THSD4: variants seen among roughly 807,000 people sequenced by gnomAD.
The protein encoded by THSD4 is thrombospondin type 1 domain containing 4.
Under a neutral mutation model 119.0 loss-of-function variants are expected in THSD4, and 69 were observed. The observed-to-expected ratio is 0.58, with a 90% confidence interval of 0.48 to 0.71. The LOEUF is 0.71. Ranked by LOEUF, THSD4 falls within the 30% of genes least tolerant of loss-of-function variation. The pLI is 0.00. For synonymous variants in THSD4, 524 were observed against 540.4 expected (o/e 0.97, Z 0.42); for missense variants, 1,393 against 1,391.1 (o/e 1.00, Z -0.02).
chr15:71,097,372 C>T (rs2040234846), intron 1 of THSD4, among the ~76,000 whole-genome samples: 1 of 151,952 alleles, frequency 6.6e-6, no homozygotes, highest in South Asian at 2.1e-4. Context: ...CGCAACCAGC[C>T]TGAGCAACAT....
chr15:71,272,816 A>T (rs2044547780), intron 6 of THSD4, among the ~76,000 whole-genome samples: 1 of 152,096 alleles, frequency 6.6e-6, no homozygotes, highest in Non-Finnish European at 1.5e-5. Flanking sequence ...GTGAGCCAAG[A>T]TCATGCCATT....
In THSD4 at chr15:71,306,307, C is replaced by CAAAAAA. The variant is rs67260180; in HGVS notation, c.1015+49618_1015+49623dup. Among the ~76,000 whole-genome samples, 134 of 62,938 alleles carry CAAAAAA rather than the reference C, an allele frequency of 2.1e-3. 2 individuals are homozygous for CAAAAAA. The highest frequency in any genetic ancestry group is 8.3e-3 in the African/African-American group (125 of 15,066). The allele number at this position is 62,938 out of a possible 152,430, so 41.3% of individuals were successfully genotyped here. A position where few individuals can be genotyped will look rare whatever the true frequency, so the allele number is the denominator to read the frequency against. ...GGTGATAAGAGCAAGACTCTTGCCT[C>CAAAAAA]AAAAAAAAAAAAAAAAAAAAAAAAA... On this transcript the variant is annotated intron_variant, in intron 6 of 17. Coordinates refer to ENST00000261862, the MANE Select transcript of THSD4 (RefSeq NM_024817.3).
At chr15:71,546,645 A>G (rs970353245) in intron 7 of THSD4, among the ~76,000 whole-genome samples, 3 of 152,192 alleles carry the variant, frequency 2.0e-5, no homozygotes, top group African/African-American at 7.2e-5. Context: ...TTGGTTAGGC[A>G]TAGTGACCCA....
chr15:71,130,647 T>C (rs926000185), intron 1 of THSD4, among the ~76,000 whole-genome samples: 1 of 152,254 alleles, frequency 6.6e-6, no homozygotes, highest in South Asian at 2.1e-4. Flanking sequence ...AAAATGGGGA[T>C]AGGAATAGCA....
At chr15:71,500,139 C>T (rs977480380) in intron 7 of THSD4, among the ~76,000 whole-genome samples, 10 of 152,116 alleles carry the variant, frequency 6.6e-5, no homozygotes, top group African/African-American at 1.7e-4. Context: ...TTCTCACCAA[C>T]GCTTGTTATT....
chr15:71,453,438 G>A (rs577074544), intron 7 of THSD4, among the ~76,000 whole-genome samples: 14 of 152,210 alleles, frequency 9.2e-5, no homozygotes, highest in Non-Finnish European at 1.5e-4. Flanking sequence ...ATGCCTCACT[G>A]TGAGGGCCAT....
intron 15 of THSD4, among the ~76,000 whole-genome samples, chr15:71,763,580 G>T (rs2053662718): frequency 7.2e-6 from 1 of 138,870 alleles, no homozygotes; most frequent in Non-Finnish European, 1.5e-5. Context: ...ACAGAGTCTT[G>T]CTCGTCACCC....
chr15:71,576,683 A>G (rs1015166141), intron 7 of THSD4, among the ~76,000 whole-genome samples: 1 of 152,208 alleles, frequency 6.6e-6, no homozygotes, highest in African/African-American at 2.4e-5. Context: ...CTCCTGCCTC[A>G]GTGTTAAGGA....
chr15:71,613,080 C>G (rs1042293479), intron 7 of THSD4, among the ~76,000 whole-genome samples: 5 of 152,158 alleles, frequency 3.3e-5, no homozygotes, highest in African/African-American at 1.2e-4. Flanking sequence ...AATGCATTTT[C>G]ATTTGTTAAT....
intron 6 of THSD4, among the ~76,000 whole-genome samples, chr15:71,332,666 A>C (rs1341852571): frequency 6.6e-6 from 1 of 152,082 alleles, no homozygotes; most frequent in African/African-American, 2.4e-5. Flanking sequence ...CAGGCTTAAG[A>C]TAGGGACCAT....
chr15:71,401,082 C>T (rs1005965341), intron 6 of THSD4, among the ~76,000 whole-genome samples: 1 of 152,130 alleles, frequency 6.6e-6, no homozygotes, highest in African/African-American at 2.4e-5. Context: ...TTTTTGTCCC[C>T]TCCCATCCCT....
intron 1 of THSD4, among the ~76,000 whole-genome samples, chr15:71,098,846 C>A (rs938544931): frequency 6.6e-6 from 1 of 152,132 alleles, no homozygotes; most frequent in Non-Finnish European, 1.5e-5. Flanking sequence ...TTTATATTAA[C>A]TACATTAAAA....
intron 6 of THSD4, chr15:71,341,398 C>T: frequency 6.2e-7 from 1 of 1,612,314 alleles, no homozygotes; most frequent in Non-Finnish European, 8.5e-7. Context: ...CATCTAAACC[C>T]TTAAGTTCAG....
intron 3 of THSD4, among the ~76,000 whole-genome samples, chr15:71,189,914 C>T (rs1389653344): frequency 1.3e-5 from 2 of 152,142 alleles, no homozygotes. Context: ...GGAGGATACT[C>T]AGAACTGCTG....
intron 7 of THSD4, among the ~76,000 whole-genome samples, chr15:71,447,109 ATTTTTTTTGTT>A (rs1351336983): frequency 1.7e-4 from 12 of 69,486 alleles, no homozygotes; most frequent in African/African-American, 4.4e-4. Context: ...TCTTCCCTCC[ATTTTTTTTGTT>A]TTTTTTTTTT....
intron 7 of THSD4, among the ~76,000 whole-genome samples, chr15:71,577,193 A>G (rs1004628208): frequency 1.3e-5 from 2 of 152,030 alleles, no homozygotes; most frequent in African/African-American, 4.8e-5. Context: ...GTGGAAGGAA[A>G]TTTTGTTTTG....
intron 1 of THSD4, among the ~76,000 whole-genome samples, chr15:71,138,873 T>A (rs1232832821): frequency 3.6e-4 from 54 of 148,340 alleles, no homozygotes; most frequent in African/African-American, 1.4e-3. Context: ...TGTGTGTGTG[T>A]GTGAGTGTGT....
At chr15:71,328,269 C>A (rs1209388411) in intron 6 of THSD4, among the ~76,000 whole-genome samples, 1 of 152,202 alleles carries the variant, frequency 6.6e-6, no homozygotes, top group African/African-American at 2.4e-5. Context: ...TCTCCATCTG[C>A]ATTTTATTGT....
At chr15:71,128,129 T>C (rs570251764) in intron 1 of THSD4, among the ~76,000 whole-genome samples, 75 of 151,678 alleles carry the variant, frequency 4.9e-4, no homozygotes, top group Admixed American at 3.9e-4. Context: ...AACAGCAGAA[T>C]GGAGATGACA....
Sources: gnomAD v4.1 joint callset for allele counts (sites outside exome capture counted in the v4.1 genomes callset) on GRCh38, gnomAD v4.1.1 for gene constraint, MANE v1.5 for transcripts, NCBI Gene and HGNC (gene_info 2026-07-23, HGNC 2026-07-21) for gene names.